Variants in CCDC68 observed in about 807,000 individuals in gnomAD.
CCDC68 encodes the protein coiled-coil domain-containing protein 68.
A neutral mutation model predicts 47.1 loss-of-function variants in CCDC68; 45 were observed. The ratio of observed to expected loss-of-function variants is 0.96; its 90% CI spans 0.75 to 1.23. The LOEUF (loss-of-function observed/expected upper bound fraction) is 1.23. CCDC68 is among the 50% of genes most tolerant of loss of function. The probability of loss-of-function intolerance (pLI) is 0.00; values close to 1 mark genes in which losing one functional copy is unlikely to be tolerated. For missense variants in CCDC68, 353 were observed against 373.6 expected (o/e 0.94, Z 0.45); for synonymous variants, 131 against 129.5 (o/e 1.01, Z -0.08).
At chr18:54,945,531 T>C (rs2044510462) in intron 1 of CCDC68, 54 bp from the exon 2 acceptor site, 1 of 146,822 alleles carries the variant, frequency 6.8e-6, no homozygotes, top group Non-Finnish European at 1.5e-5. Context: ...AGTTGTGAGC[T>C]AGGCTGCAAA....
chr18:54,936,288 A>G (rs1216166448), intron 6 of CCDC68, among the ~76,000 whole-genome samples: 1 of 146,010 alleles, frequency 6.8e-6, no homozygotes, highest in African/African-American at 2.5e-5. Flanking sequence ...TTTTTAAATA[A>G]TATATAAAAA....
intron 1 of CCDC68, among the ~76,000 whole-genome samples, chr18:54,955,166 A>AT (rs2044690803): frequency 6.6e-6 from 1 of 152,018 alleles, no homozygotes; most frequent in South Asian, 2.1e-4. Flanking sequence ...GAAAAAAAAA[A>AT]TTTAATTAGC....
At chr18:54,916,748 G>A (rs1433283692) in intron 10 of CCDC68, among the ~76,000 whole-genome samples, 1 of 152,124 alleles carries the variant, frequency 6.6e-6, no homozygotes, top group East Asian at 1.9e-4. Context: ...GCTAGCAAGG[G>A]GGTTGATATG....
chr18:54,916,882 A>G (rs1212404641), intron 10 of CCDC68, among the ~76,000 whole-genome samples: 2 of 152,218 alleles, frequency 1.3e-5, no homozygotes, highest in African/African-American at 4.8e-5. Flanking sequence ...TTCTCATGAT[A>G]GTGAGTGATT....
rs776441141 is a variant in CCDC68, at chr18:54,942,841, G to A, written c.-12-38C>T. On this transcript the variant is annotated intron_variant, in intron 2 of 11. Coordinates refer to ENST00000591504, the MANE Select transcript of CCDC68 (RefSeq NM_025214.3). ...ATAAATCAGCTAAGCAAAACAGACTGTTTTGATTGTATGATTATATGGTTC... is the reference window on the plus strand; with the variant it reads ...ATAAATCAGCTAAGCAAAACAGACTATTTTGATTGTATGATTATATGGTTC... The A allele has an allele frequency of 9.1e-6, 10 of 1,093,458 alleles. 1 individual carries two copies. Among genetic ancestry groups the A allele is most frequent in the Middle Eastern group, 4.0e-4 (2 of 5,048 alleles). The allele number at this position is 1,093,458 out of a possible 1,614,324, so 67.7% of individuals were successfully genotyped here. A position where few individuals can be genotyped will look rare whatever the true frequency, so the allele number is the denominator to read the frequency against.
rs1275117648 is a variant in CCDC68 at position 54,901,582 on chromosome 18, G to T, written c.*2776C>A. On this transcript the variant is annotated 3_prime_UTR_variant, in exon 12 of 12. Transcript: ENST00000591504. ...CAATGTAGCATCAATTTTCTTTATGGTAAGGCATATTATAAGCAATTATTC... is the reference window on the plus strand; with the variant it reads ...CAATGTAGCATCAATTTTCTTTATGTTAAGGCATATTATAAGCAATTATTC... 2 of 152,066 alleles carry T rather than the reference G, an allele frequency of 1.3e-5. No individual in the cohort carries two copies. The highest frequency in any genetic ancestry group is 2.9e-5 in the Non-Finnish European group (2 of 68,020). The allele number at this position is 152,066 out of a possible 1,614,324, so 9.4% of individuals were successfully genotyped here. A position where few individuals can be genotyped will look rare whatever the true frequency, so the allele number is the denominator to read the frequency against.
At chr18:54,932,188 G>T (rs1420454269) in intron 7 of CCDC68, among the ~76,000 whole-genome samples, 26 of 141,930 alleles carry the variant, frequency 1.8e-4, no homozygotes, top group East Asian at 1.2e-3. Context: ...AACCAATTTG[G>T]TTTTTTTTTT....
chr18:54,910,104 A>AG (rs1458614966), intron 10 of CCDC68, among the ~76,000 whole-genome samples: 2 of 152,244 alleles, frequency 1.3e-5, no homozygotes, highest in Non-Finnish European at 2.9e-5. Flanking sequence ...GGAAACCTGC[A>AG]GGGGGCAGCT....
At chr18:54,957,637 T>A (rs1254946709) in intron 1 of CCDC68, among the ~76,000 whole-genome samples, 2,533 of 151,648 alleles carry the variant, frequency 0.017, 64 homozygotes, top group African/African-American at 0.058. Context: ...ACTCTCTCTC[T>A]CTCTCTCTCT....
In CCDC68 at chr18:54,930,645, C is replaced by T. The variant is rs1188785673; in HGVS notation, c.601-1763G>A. On this transcript the variant is annotated intron_variant, in intron 7 of 11. Transcript: ENST00000591504. ...CCTTCCCCTCCCTCCCTCCCTCCCT[C>T]CCTCCCTCCCTTCCTTCCTTCCTTC... Among the ~76,000 whole-genome samples, 156 of 29,938 alleles carry T rather than the reference C, an allele frequency of 5.2e-3. 2 individuals carry two copies. Among genetic ancestry groups the T allele is most frequent in the South Asian group, 0.023 (12 of 512 alleles). The allele number at this position is 29,938 out of a possible 152,430, so 19.6% of individuals were successfully genotyped here.
intron 8 of CCDC68, among the ~76,000 whole-genome samples, chr18:54,928,210 G>A (rs936604897): frequency 1.3e-5 from 2 of 151,984 alleles, no homozygotes; most frequent in East Asian, 1.9e-4. Flanking sequence ...TTCTAATAGC[G>A]GCTGAGTAGC....
At chr18:54,923,772 T>C (rs1176290943) in intron 8 of CCDC68, among the ~76,000 whole-genome samples, 3 of 152,094 alleles carry the variant, frequency 2.0e-5, no homozygotes, top group Admixed American at 6.6e-5. Context: ...AGTGCAATGA[T>C]GCAATCTCGG....
rs145839719 is a variant in CCDC68, at chr18:54,924,253, T to C, written c.683+4547A>G. ...AATACATGCTTTTCCCCATTGTTCCTGCTAAATACAACTAAAAGCCCTGGA... is the reference window on the plus strand; with the variant it reads ...AATACATGCTTTTCCCCATTGTTCCCGCTAAATACAACTAAAAGCCCTGGA... On this transcript the variant is annotated intron_variant, in intron 8 of 11. Transcript: ENST00000591504. 9.9e-3 allele frequency among the ~76,000 whole-genome samples: 1,513 copies of C among 152,130 alleles called. 20 individuals carry two copies. Among genetic ancestry groups the C allele is most frequent in the African/African-American group, 0.029 (1,205 of 41,502 alleles).
intron 6 of CCDC68, 92 bp from the exon 7 acceptor site, chr18:54,935,040 A>G (rs562174697): frequency 9.6e-7 from 1 of 1,041,102 alleles, no homozygotes; most frequent in Non-Finnish European, 1.3e-6. Flanking sequence ...TAATTAGCCA[A>G]AAAAATTCAG....
chr18:54,907,011 C>A (rs761562209), intron 11 of CCDC68, among the ~76,000 whole-genome samples: 1 of 152,148 alleles, frequency 6.6e-6, no homozygotes, highest in Non-Finnish European at 1.5e-5. Context: ...GCTGAAGAGA[C>A]GTTTAGAAAA....
chr18:54,922,044 A>T (rs1015902492), intron 8 of CCDC68, among the ~76,000 whole-genome samples: 7 of 152,212 alleles, frequency 4.6e-5, no homozygotes, highest in African/African-American at 1.7e-4. Context: ...TGCCTGATTC[A>T]GATGAAAACG....
chr18:54,934,706 T>A, intron 7 of CCDC68, 114 bp downstream of exon 7: 1 of 795,876 alleles, frequency 1.3e-6, no homozygotes, highest in Non-Finnish European at 1.7e-6. Flanking sequence ...AAAGAATACT[T>A]TCACATAATA....
chr18:54,910,276 G>A (rs866499267), intron 10 of CCDC68, among the ~76,000 whole-genome samples: 1 of 152,152 alleles, frequency 6.6e-6, no homozygotes, highest in Non-Finnish European at 1.5e-5. Context: ...TCTCATCAAA[G>A]AGGAAGCCCT....
chr18:54,938,493 T>C (rs946608578), intron 4 of CCDC68, among the ~76,000 whole-genome samples: 1 of 152,198 alleles, frequency 6.6e-6, no homozygotes, highest in Non-Finnish European at 1.5e-5. Flanking sequence ...TTACAATACA[T>C]AATAGTCAAT....
Sources: gnomAD v4.1 joint callset for allele counts (sites outside exome capture counted in the v4.1 genomes callset) on GRCh38, gnomAD v4.1.1 for gene constraint, MANE v1.5 for transcripts, NCBI Gene and HGNC (gene_info 2026-07-23, HGNC 2026-07-21) for gene names.